Variants in ZMAT4 observed in about 807,000 individuals in gnomAD.
ZMAT4 encodes zinc finger matrin-type 4.
ZMAT4 carries 17 observed loss-of-function variants against 28.7 expected under a neutral mutation model. The ratio of observed to expected loss-of-function variants is 0.59; its 90% CI spans 0.41 to 0.89. The LOEUF is 0.89. Ranked by LOEUF, ZMAT4 falls within the 40% of genes least tolerant of loss-of-function variation. The pLI is 0.00. For missense variants in ZMAT4, 240 were observed against 283.8 expected, an observed-to-expected ratio of 0.85 and a Z score of 1.11; for synonymous variants, 117 against 109.2, an observed-to-expected ratio of 1.07 and a Z score of -0.44.
chr8:40,699,099 T>C (rs1399793899), intron 3 of ZMAT4, among the ~76,000 whole-genome samples: 1 of 152,152 alleles, frequency 6.6e-6, no homozygotes, highest in Non-Finnish European at 1.5e-5. Context: ...GTTGGCTTCC[T>C]GGCTCCCCTG....
At chr8:40,765,633 C>T (rs1401374354) in intron 3 of ZMAT4, among the ~76,000 whole-genome samples, 1 of 152,222 alleles carries the variant, frequency 6.6e-6, no homozygotes, top group African/African-American at 2.4e-5. Flanking sequence ...GAAATCCAAA[C>T]ATCTTTCCCA....
intron 3 of ZMAT4, among the ~76,000 whole-genome samples, chr8:40,724,143 C>T (rs1298246719): frequency 6.6e-6 from 1 of 152,110 alleles, no homozygotes; most frequent in Non-Finnish European, 1.5e-5. Flanking sequence ...CCAGTGTTCT[C>T]ATTGTTTTCA....
chr8:40,837,355 A>C lies in ZMAT4; in HGVS notation c.-4-11675T>G, dbSNP rs189116434. 1.1e-4 allele frequency among the ~76,000 whole-genome samples: 16 copies of C among 152,302 alleles called. No homozygotes were observed. The East Asian group carries it at 3.1e-3, about 29-fold the overall frequency. ...TCTTGGTTCCTGGATGACTGTGTGG[A>C]GCAGAACTCCCTTTCCCCAACCCCT... On this transcript the variant is annotated intron_variant, in intron 1 of 6. Transcript: ENST00000297737.
intron 3 of ZMAT4, among the ~76,000 whole-genome samples, chr8:40,759,588 A>G (rs1459675654): frequency 2.0e-5 from 3 of 151,926 alleles, no homozygotes; most frequent in African/African-American, 7.3e-5. Context: ...TTGATCTCAG[A>G]CTCCCCAGAA....
chr8:40,681,368 T>C (rs1809157168), intron 4 of ZMAT4, among the ~76,000 whole-genome samples: 1 of 152,250 alleles, frequency 6.6e-6, no homozygotes. Context: ...GTCCCTATGA[T>C]AAACTGCCTT....
intron 1 of ZMAT4, among the ~76,000 whole-genome samples, chr8:40,852,839 C>T (rs145192088): frequency 4.1e-4 from 63 of 152,252 alleles, no homozygotes; most frequent in Middle Eastern, 3.4e-3. Flanking sequence ...TAATATCAAC[C>T]ATTTCATCAG....
intron 1 of ZMAT4, among the ~76,000 whole-genome samples, chr8:40,837,841 G>A (rs577351157): frequency 6.6e-6 from 1 of 152,344 alleles, no homozygotes; most frequent in African/African-American, 2.4e-5. Context: ...TTACAGATGA[G>A]CCAACCAGGA....
intron 1 of ZMAT4, among the ~76,000 whole-genome samples, chr8:40,880,477 T>A (rs942806825): frequency 2.6e-5 from 4 of 152,236 alleles, no homozygotes; most frequent in African/African-American, 9.6e-5. Flanking sequence ...ATGTCATCTT[T>A]AACCTTCAAT....
intron 5 of ZMAT4, among the ~76,000 whole-genome samples, chr8:40,599,270 C>A (rs1020177282): frequency 4.6e-4 from 70 of 152,110 alleles, no homozygotes; most frequent in African/African-American, 1.6e-3. Context: ...TAGGATCTGA[C>A]ACATAGTAGG....
chr8:40,764,218 A>G (rs992208317), intron 3 of ZMAT4, among the ~76,000 whole-genome samples: 2 of 152,058 alleles, frequency 1.3e-5, no homozygotes, highest in Admixed American at 6.6e-5. Flanking sequence ...TTTATTTCTC[A>G]CTTAATTTTA....
intron 5 of ZMAT4, among the ~76,000 whole-genome samples, chr8:40,624,070 G>T (rs1213227859): frequency 6.6e-6 from 1 of 152,294 alleles, no homozygotes. Flanking sequence ...TGAATTGCAA[G>T]GGTATGTGTA....
intron 2 of ZMAT4, among the ~76,000 whole-genome samples, chr8:40,771,341 G>GA (rs150702263): frequency 0.8 from 120,716 of 150,662 alleles, 50,278 homozygotes; most frequent in Non-Finnish European, 0.94. Context: ...AAAAGAAAAA[G>GA]AAAAAAAACC....
intron 2 of ZMAT4, among the ~76,000 whole-genome samples, chr8:40,799,432 G>C (rs1373880525): frequency 6.6e-6 from 1 of 152,302 alleles, no homozygotes; most frequent in South Asian, 2.1e-4. Flanking sequence ...AGCAAAGACA[G>C]AAAAAGAAAG....
intron 6 of ZMAT4, among the ~76,000 whole-genome samples, chr8:40,544,564 G>A (rs979329786): frequency 4.6e-5 from 7 of 152,190 alleles, no homozygotes; most frequent in South Asian, 4.1e-4. Context: ...AGGTGGAGAA[G>A]GGCTTTTCTT....
intron 1 of ZMAT4, among the ~76,000 whole-genome samples, chr8:40,863,161 T>C (rs527792884): frequency 1.5e-4 from 23 of 152,050 alleles, no homozygotes; most frequent in African/African-American, 5.1e-4. Context: ...ATGGAAGCCT[T>C]GTTGAAAGGG....
chr8:40,557,484 A>G (rs1803583259), intron 6 of ZMAT4, among the ~76,000 whole-genome samples: 1 of 152,142 alleles, frequency 6.6e-6, no homozygotes, highest in Non-Finnish European at 1.5e-5. Flanking sequence ...TCCGTCTTAA[A>G]CATATAAATC....
At chr8:40,577,391 A>C (rs1804302794) in intron 6 of ZMAT4, among the ~76,000 whole-genome samples, 1 of 152,200 alleles carries the variant, frequency 6.6e-6, no homozygotes, top group Admixed American at 6.5e-5. Context: ...TGGATAAGCC[A>C]GGAGGACATT....
At chr8:40,786,148 C>T (rs1427536466) in intron 2 of ZMAT4, among the ~76,000 whole-genome samples, 1 of 152,132 alleles carries the variant, frequency 6.6e-6, no homozygotes, top group Non-Finnish European at 1.5e-5. Context: ...TTCTCTTCTG[C>T]ACAGCCCTTT....
intron 4 of ZMAT4, among the ~76,000 whole-genome samples, chr8:40,682,017 T>G (rs1165634777): frequency 1.3e-5 from 2 of 152,118 alleles, no homozygotes; most frequent in African/African-American, 4.8e-5. Flanking sequence ...AAACTTTATA[T>G]AACTATAACT....
Sources: allele counts gnomAD v4.1 joint callset (sites outside exome capture counted in the v4.1 genomes callset), GRCh38; gene constraint gnomAD v4.1.1; transcripts MANE v1.5; gene names NCBI Gene and HGNC (gene_info 2026-07-23, HGNC 2026-07-21).